Variants in CDH4 observed in about 807,000 individuals in gnomAD.
The protein encoded by CDH4 is cadherin-4.
In CDH4, 33 loss-of-function variants were observed where a neutral mutation model predicts 86.0. That is an observed-to-expected ratio of 0.38 (90% confidence interval 0.29 to 0.51). The LOEUF is 0.51. CDH4 is among the 20% of genes least tolerant of loss of function. The pLI is 0.86. For synonymous variants in CDH4, 555 were observed against 549.4 expected (o/e 1.01, Z -0.14); for missense variants, 1,114 against 1,307.4 (o/e 0.85, Z 2.28).
chr20:61,663,584 G>A lies in CDH4; in HGVS notation c.170-79979G>A, dbSNP rs369342192. Among the ~76,000 whole-genome samples the A allele has an allele frequency of 6.9e-4, 105 of 152,242 alleles. 3 individuals carry two copies. The South Asian group carries it at 0.02, about 29-fold the overall frequency. On this transcript the variant is annotated intron_variant, in intron 2 of 15. Transcript: ENST00000614565. This position sits in a 1 kb window ranked among gnomAD's most constrained non-coding sequence, Gnocchi z 5.0. ...GGCTGGATTTTATCCCAAGTGAGTC[G>A]GGAGCTGCTGGGACGGCAGGACCGG... is the stretch of plus-strand genomic sequence containing the variant.
At chr20:61,768,695 T>C (rs902058829) in intron 3 of CDH4, among the ~76,000 whole-genome samples, 3 of 152,220 alleles carry the variant, frequency 2.0e-5, no homozygotes, top group African/African-American at 7.2e-5. Flanking sequence ...TGAGTGCTAA[T>C]TGTGGTTGAC....
chr20:61,899,343 A>G (rs370546247), intron 8 of CDH4, among the ~76,000 whole-genome samples: 3 of 152,212 alleles, frequency 2.0e-5, no homozygotes, highest in African/African-American at 7.2e-5. Flanking sequence ...TAAAATGCAT[A>G]CATGATAAGA....
At chr20:61,800,078 C>T (rs1488182837) in intron 4 of CDH4, among the ~76,000 whole-genome samples, 2 of 152,218 alleles carry the variant, frequency 1.3e-5, no homozygotes, top group Non-Finnish European at 2.9e-5. Flanking sequence ...TTCCCCAGCC[C>T]ACAGCATGGT....
At chr20:61,592,791 C>T (rs1039290654) in intron 2 of CDH4, among the ~76,000 whole-genome samples, 2 of 152,202 alleles carry the variant, frequency 1.3e-5, no homozygotes, top group African/African-American at 4.8e-5. Flanking sequence ...GTCATTCGTA[C>T]TCACTTTGTT....
At chr20:61,622,235 C>T (rs138692135) in intron 2 of CDH4, among the ~76,000 whole-genome samples, 1 of 152,228 alleles carries the variant, frequency 6.6e-6, no homozygotes, top group African/African-American at 2.4e-5. Context: ...TCCTCCCCAC[C>T]CATGTGTTTA....
chr20:61,515,877 G>T (rs1033269452), intron 2 of CDH4, among the ~76,000 whole-genome samples: 2 of 152,018 alleles, frequency 1.3e-5, no homozygotes, highest in African/African-American at 4.8e-5. Flanking sequence ...TTGCTCGCTC[G>T]CTCTCTGTTT....
chr20:61,737,096 T>C (rs2088275492), intron 2 of CDH4, among the ~76,000 whole-genome samples: 1 of 152,146 alleles, frequency 6.6e-6, no homozygotes, highest in South Asian at 2.1e-4. Context: ...GCTCCTCGTG[T>C]TGCTTGGATG....
At chr20:61,333,479 G>A (rs1033736090) in intron 2 of CDH4, among the ~76,000 whole-genome samples, 3 of 152,194 alleles carry the variant, frequency 2.0e-5, no homozygotes, top group Non-Finnish European at 2.9e-5. Flanking sequence ...TCCAGCCAAG[G>A]GGGACCCAGC....
At chr20:61,408,825 G>A (rs1487540181) in intron 2 of CDH4, among the ~76,000 whole-genome samples, 1 of 152,204 alleles carries the variant, frequency 6.6e-6, no homozygotes, top group Non-Finnish European at 1.5e-5. Flanking sequence ...GTTTATGGAA[G>A]GGAAGTTCTT....
chr20:61,926,323 C>T (rs1191952058), intron 11 of CDH4, among the ~76,000 whole-genome samples: 1 of 152,226 alleles, frequency 6.6e-6, no homozygotes, highest in Non-Finnish European at 1.5e-5. Context: ...CTTGGAACGG[C>T]TGTGCGTGAA....
At chr20:61,925,750 G>A (rs1233786327) in intron 11 of CDH4, among the ~76,000 whole-genome samples, 3 of 152,310 alleles carry the variant, frequency 2.0e-5, no homozygotes, top group East Asian at 1.9e-4. Context: ...GGGGAGATCC[G>A]AGACCTGGGG....
At chr20:61,522,631 C>T (rs2145629178) in intron 2 of CDH4, among the ~76,000 whole-genome samples, 1 of 152,320 alleles carries the variant, frequency 6.6e-6, no homozygotes. Flanking sequence ...CCCAGCCAGG[C>T]AAGCAGCCCC....
At chr20:61,655,813 G>A (rs868224289) in intron 2 of CDH4, among the ~76,000 whole-genome samples, 32 of 152,238 alleles carry the variant, frequency 2.1e-4, no homozygotes, top group African/African-American at 6.5e-4. Context: ...CCCATCACCT[G>A]CAGGGTCACC....
rs950486920 is a variant in CDH4, at chr20:61,610,307, T to G, written c.170-133256T>G. Among the ~76,000 whole-genome samples, 4 of 152,236 alleles carry G rather than the reference T, an allele frequency of 2.6e-5. No homozygotes were observed. In the East Asian group the frequency reaches 7.7e-4, roughly 29 times the overall value. On this transcript the variant is annotated intron_variant, in intron 2 of 15. Coordinates refer to ENST00000614565, the MANE Select transcript of CDH4 (RefSeq NM_001794.5). ...ATGAAATGACCTCCGGTTCCATCCA[T>G]GTTGCTGCAAATGACAGAATTTCAT...
intron 2 of CDH4, among the ~76,000 whole-genome samples, chr20:61,524,141 G>A (rs972186191): frequency 2.6e-5 from 4 of 152,156 alleles, no homozygotes; most frequent in Admixed American, 6.5e-5. Context: ...CTAAAATCCC[G>A]AGCTTGCTGT....
rs138471478 is a variant in CDH4 at position 61,723,560 on chromosome 20, A to G, written c.170-20003A>G. Among the ~76,000 whole-genome samples, 315 of 152,214 alleles carry G rather than the reference A, an allele frequency of 2.1e-3. 1 individual carries two copies. The highest frequency in any genetic ancestry group is 0.017 in the Middle Eastern group (5 of 294). On this transcript the variant is annotated intron_variant, in intron 2 of 15. Transcript: ENST00000614565. ...AGGAGCTTCCATCCTCACTTTACAGATACCCCAAGCACCTGCTCTTCTCGA... is the reference window on the plus strand; with the variant it reads ...AGGAGCTTCCATCCTCACTTTACAGGTACCCCAAGCACCTGCTCTTCTCGA...
intron 2 of CDH4, among the ~76,000 whole-genome samples, chr20:61,282,548 T>TGTGC (rs1491278302): frequency 1.5e-5 from 1 of 67,874 alleles, no homozygotes; most frequent in African/African-American, 4.5e-5. Context: ...TGTGTGTGCA[T>TGTGC]GTGTGTGTGT....
chr20:61,467,560 A>G (rs2085479593), intron 2 of CDH4, among the ~76,000 whole-genome samples: 1 of 152,184 alleles, frequency 6.6e-6, no homozygotes, highest in Admixed American at 6.5e-5. Flanking sequence ...GGGTTTGAGA[A>G]ATAATATGTC....
intron 2 of CDH4, among the ~76,000 whole-genome samples, chr20:61,312,859 C>G (rs897573043): frequency 5.9e-5 from 9 of 152,216 alleles, no homozygotes; most frequent in African/African-American, 2.2e-4. Context: ...GCATTTCCCA[C>G]CCATCCTCGG....
Sources: allele counts gnomAD v4.1 joint callset (sites outside exome capture counted in the v4.1 genomes callset), GRCh38; gene constraint gnomAD v4.1.1; non-coding constraint Gnocchi (gnomAD v3.1); transcripts MANE v1.5; gene names NCBI Gene and HGNC (gene_info 2026-07-23, HGNC 2026-07-21).